STAMBP: variants seen among roughly 807,000 people sequenced by gnomAD.
The protein encoded by STAMBP is STAM-binding protein.
STAMBP carries 31 observed loss-of-function variants against 50.7 expected under a neutral mutation model. The ratio of observed to expected loss-of-function variants is 0.61; its 90% CI spans 0.46 to 0.83. STAMBP has a LOEUF of 0.83. STAMBP is among the 40% of genes least tolerant of loss of function. STAMBP has a pLI of 0.00. For synonymous variants in STAMBP, 211 were observed against 192.4 expected (o/e 1.10, Z -0.80); for missense variants, 472 against 518.9 (o/e 0.91, Z 0.88).
chr2:73,850,332 A>G lies in STAMBP; in HGVS notation c.868-44A>G, dbSNP rs142082327. On this transcript the variant is annotated intron_variant, in intron 6 of 9. Transcript: ENST00000394070. The surrounding 1 kb of genome is among the most constrained non-coding windows in gnomAD (Gnocchi z 4.3). Reference sequence around the variant, plus strand: ...TCGGGATGGAGTGGAGCAGGGTTGCATGAGCACCAGGGAATTGTGACCAGC... The same window carrying G: ...TCGGGATGGAGTGGAGCAGGGTTGCGTGAGCACCAGGGAATTGTGACCAGC... The G allele has an allele frequency of 9.0e-5, 142 of 1,580,658 alleles. No individual in the cohort carries two copies. In the East Asian group the frequency reaches 3.2e-3, roughly 36 times the overall value.
chr2:73,846,340 G>A (rs528846953), intron 4 of STAMBP, among the ~76,000 whole-genome samples: 1 of 152,138 alleles, frequency 6.6e-6, no homozygotes, highest in South Asian at 2.1e-4. Flanking sequence ...GGTGGCTCAT[G>A]CCTGTAATCC....
chr2:73,835,316 T>C (rs1384891794), intron 2 of STAMBP, among the ~76,000 whole-genome samples: 3 of 146,386 alleles, frequency 2.0e-5, no homozygotes, highest in South Asian at 4.3e-4. Context: ...ATCGCGGCAC[T>C]GCACTCCAGC....
At chr2:73,861,193 A>G (rs1251708709) in intron 9 of STAMBP, among the ~76,000 whole-genome samples, 1 of 152,230 alleles carries the variant, frequency 6.6e-6, no homozygotes, top group African/African-American at 2.4e-5. Context: ...ACCATGTGAC[A>G]GTAGGTATAC....
rs1051393136 is a variant in STAMBP at position 73,863,863 on chromosome 2, C to T, written c.*1604C>T. 1.3e-5 allele frequency: 2 copies of T among 152,198 alleles called. No homozygotes were observed. Among genetic ancestry groups the T allele is most frequent in the Admixed American group, 1.3e-4 (2 of 15,274 alleles). 9.4% of individuals were successfully genotyped at this position (152,198 alleles called of 1,614,324 possible). On this transcript the variant is annotated 3_prime_UTR_variant, in exon 10 of 10. Coordinates refer to ENST00000394070, the MANE Select transcript of STAMBP (RefSeq NM_213622.4). ...CCAAGTCTCTTTGTTTTTAGCATTT[C>T]TTCATTCCAGTCTGTTCTGCACACT... is the stretch of plus-strand genomic sequence containing the variant.
At chr2:73,867,941 A>G (rs918173962), downstream of STAMBP, among the ~76,000 whole-genome samples, 2 of 152,100 alleles carry the variant, frequency 1.3e-5, no homozygotes, top group African/African-American at 2.4e-5. Context: ...CGTGACAAAC[A>G]TGGAGAAACC....
At chr2:73,840,348 A>G (rs1346620629) in intron 2 of STAMBP, among the ~76,000 whole-genome samples, 1 of 105,852 alleles carries the variant, frequency 9.4e-6, no homozygotes, top group Non-Finnish European at 2.0e-5. Context: ...TCTACTTTTT[A>G]AAACAATGCT....
chr2:73,867,667 A>T (rs550869826), downstream of STAMBP, among the ~76,000 whole-genome samples: 53 of 152,366 alleles, frequency 3.5e-4, no homozygotes, highest in African/African-American at 1.3e-3. Flanking sequence ...ACAAATTAAA[A>T]TTTCTGTAAT....
rs779898712 is a variant in STAMBP at position 73,864,004 on chromosome 2, C to A, written c.*1745C>A. The A allele has an allele frequency of 6.6e-6, 1 of 152,188 alleles. No homozygotes were observed. The highest frequency in any genetic ancestry group is 1.5e-5 in the Non-Finnish European group (1 of 68,038). 9.4% of individuals were successfully genotyped at this position (152,188 alleles called of 1,614,324 possible). A position where few individuals can be genotyped will look rare whatever the true frequency, so the allele number is the denominator to read the frequency against. ...AAATTTAGCTTTTAGTCAGAACTTT[C>A]CACTTAAAGTTCTTACCCCTGGCTA... On this transcript the variant is annotated 3_prime_UTR_variant, in exon 10 of 10. Transcript: ENST00000394070.
chr2:73,844,780 T>A, intron 2 of STAMBP, 33 bp from the exon 3 acceptor site: 1 of 1,583,210 alleles, frequency 6.3e-7, no homozygotes, highest in Admixed American at 1.7e-5. Context: ...TTTGGACCAT[T>A]TGCTTCATAA....
intron 2 of STAMBP, among the ~76,000 whole-genome samples, chr2:73,841,501 C>T (rs1016194575): frequency 2.0e-5 from 3 of 152,190 alleles, no homozygotes; most frequent in African/African-American, 7.2e-5. Flanking sequence ...TCCATCTCTA[C>T]AATTTTATGG....
At chr2:73,860,280 A>C in intron 9 of STAMBP, 129 bp downstream of exon 9, 4 of 727,470 alleles carry the variant, frequency 5.5e-6, no homozygotes, top group Non-Finnish European at 8.9e-6. Context: ...CCAGATCTCC[A>C]TAATAAGGAC....
At chr2:73,869,032 G>C (rs1679090743), downstream of STAMBP, among the ~76,000 whole-genome samples, 1 of 152,180 alleles carries the variant, frequency 6.6e-6, no homozygotes. Flanking sequence ...TGTCCTGAAA[G>C]GATAATCTAA....
chr2:73,845,314 C>T lies in STAMBP; in HGVS notation c.375+52C>T, dbSNP rs564815352. ...ATTATTTTGCTTTTTTAGGCTGTGC[C>T]CTGGGATTGTAATATGACATTTCAA... On this transcript the variant is annotated intron_variant, in intron 4 of 9. Coordinates refer to ENST00000394070, the MANE Select transcript of STAMBP (RefSeq NM_213622.4). 13 of 1,247,702 alleles carry T rather than the reference C, an allele frequency of 1.0e-5. No individual in the cohort carries two copies. The Admixed American group carries it at 1.9e-4, about 18-fold the overall frequency. 77.3% of individuals were successfully genotyped at this position (1,247,702 alleles called of 1,614,324 possible).
chr2:73,859,725 T>TAAAAAA lies in STAMBP; in HGVS notation c.1119-322_1119-321insAAAAAA, dbSNP rs3043575. 8.8e-3 allele frequency among the ~76,000 whole-genome samples: 1,320 copies of TAAAAAA among 149,860 alleles called. 21 individuals are homozygous for TAAAAAA. Among genetic ancestry groups the TAAAAAA allele is most frequent in the African/African-American group, 0.031 (1,258 of 40,796 alleles). The stretch of plus-strand genomic sequence containing the variant: ...AAAATAAAAAAATATAATAAAAAAA[T>TAAAAAA]AAAAATAAAAAATAAGAAAGTTTCA... On this transcript the variant is annotated intron_variant, in intron 8 of 9. Coordinates refer to ENST00000394070, the MANE Select transcript of STAMBP (RefSeq NM_213622.4).
chr2:73,856,114 C>T (rs542973119), intron 7 of STAMBP, among the ~76,000 whole-genome samples: 3 of 152,264 alleles, frequency 2.0e-5, no homozygotes, highest in African/African-American at 7.2e-5. Context: ...AACAAATAAT[C>T]GGGATGCACA....
At position 73,866,522 on chromosome 2, in the gene STAMBP, C is replaced by T. The variant is rs1344690713; in HGVS notation, c.*4263C>T. On this transcript the variant is annotated 3_prime_UTR_variant, in exon 10 of 10. Transcript: ENST00000394070. ...AGTATAGGCACTTAACCTTATTGAT[C>T]AGTTGTTCCTTGGTGTTGAATAATG... 1 of 152,180 alleles carries T rather than the reference C, an allele frequency of 6.6e-6. No homozygotes were observed. Among genetic ancestry groups the T allele is most frequent in the African/African-American group, 2.4e-5 (1 of 41,444 alleles). The allele number at this position is 152,180 out of a possible 1,614,324, so 9.4% of individuals were successfully genotyped here.
At chr2:73,829,908 A>C (rs1320523646) in intron 1 of STAMBP, among the ~76,000 whole-genome samples, 1 of 152,242 alleles carries the variant, frequency 6.6e-6, no homozygotes, top group Non-Finnish European at 1.5e-5. Context: ...GCCAGTTGCC[A>C]CAGGGCCTTG....
In STAMBP at chr2:73,863,306, C is replaced by G. The variant is rs1466954196; in HGVS notation, c.*1047C>G. On this transcript the variant is annotated 3_prime_UTR_variant, in exon 10 of 10. Coordinates refer to ENST00000394070, the MANE Select transcript of STAMBP (RefSeq NM_213622.4). ...AAAACGCTTGAAGCAGCAATTGTTACTGCAATTTTCTGTGAGCTGAGCCTG... is the reference window on the plus strand; with the variant it reads ...AAAACGCTTGAAGCAGCAATTGTTAGTGCAATTTTCTGTGAGCTGAGCCTG... 6.6e-6 allele frequency: 1 copy of G among 152,172 alleles called. No individual in the cohort carries two copies. The highest frequency in any genetic ancestry group is 1.5e-5 in the Non-Finnish European group (1 of 68,038). 9.4% of individuals were successfully genotyped at this position (152,172 alleles called of 1,614,324 possible).
At chr2:73,841,844 T>C (rs1675428529) in intron 2 of STAMBP, among the ~76,000 whole-genome samples, 1 of 152,256 alleles carries the variant, frequency 6.6e-6, no homozygotes, top group Non-Finnish European at 1.5e-5. Flanking sequence ...ATGGGGTATG[T>C]TGCCCATTGT....
Sources: gnomAD v4.1 joint callset for allele counts (sites outside exome capture counted in the v4.1 genomes callset) on GRCh38, gnomAD v4.1.1 for gene constraint, Gnocchi (gnomAD v3.1) non-coding constraint, MANE v1.5 for transcripts, NCBI Gene and HGNC (gene_info 2026-07-23, HGNC 2026-07-21) for gene names.